Variants in CHN2 observed in about 807,000 individuals in gnomAD.
CHN2 encodes the protein chimerin 2, also known as beta-chimaerin.
A neutral mutation model predicts 56.3 loss-of-function variants in CHN2; 35 were observed. The observed-to-expected ratio is 0.62, with a 90% confidence interval of 0.47 to 0.82. The LOEUF is 0.82. Ranked by LOEUF, CHN2 falls within the 40% of genes least tolerant of loss-of-function variation. The probability of loss-of-function intolerance (pLI) is 0.00; values close to 1 mark genes in which losing one functional copy is unlikely to be tolerated. For missense variants in CHN2, 491 were observed against 580.5 expected (o/e 0.85, Z 1.58); for synonymous variants, 210 against 212.8 (o/e 0.99, Z 0.12).
intron 2 of CHN2, among the ~76,000 whole-genome samples, chr7:29,163,910 A>G (rs1177431610): frequency 6.6e-6 from 1 of 152,168 alleles, no homozygotes; most frequent in Non-Finnish European, 1.5e-5. Context: ...ATATTTGTCC[A>G]TTTACTTGTT....
At chr7:29,361,757 A>G (rs920887642) in intron 2 of CHN2, among the ~76,000 whole-genome samples, 3 of 152,194 alleles carry the variant, frequency 2.0e-5, no homozygotes, top group African/African-American at 7.2e-5. Flanking sequence ...CATCACCTGC[A>G]TCCTTTATTT....
At chr7:29,163,721 T>C (rs191212375) in intron 2 of CHN2, among the ~76,000 whole-genome samples, 137 of 152,314 alleles carry the variant, frequency 9.0e-4, no homozygotes, top group Admixed American at 2.6e-3. Context: ...CACCAGGCAA[T>C]TGCTGATCAG....
intron 6 of CHN2, among the ~76,000 whole-genome samples, chr7:29,422,485 G>A (rs1264104580): frequency 2.0e-5 from 3 of 152,260 alleles, no homozygotes; most frequent in Non-Finnish European, 4.4e-5. Context: ...TCTAATAGAC[G>A]GCCTCTCTCC....
intron 1 of CHN2, among the ~76,000 whole-genome samples, chr7:29,352,746 A>G (rs1376211427): frequency 1.3e-5 from 2 of 152,086 alleles, no homozygotes; most frequent in African/African-American, 2.4e-5. Flanking sequence ...ACAAAAAACA[A>G]AAAAAGCAAA....
intron 1 of CHN2, among the ~76,000 whole-genome samples, chr7:29,213,701 T>C (rs13235885): frequency 0.13 from 20,072 of 152,204 alleles, 1,666 homozygotes; most frequent in Non-Finnish European, 0.19. Context: ...TCTGTTTTAC[T>C]ATATCCCCTA....
At chr7:29,506,355 AG>A (rs1156584080) in intron 10 of CHN2, among the ~76,000 whole-genome samples, 1 of 152,186 alleles carries the variant, frequency 6.6e-6, no homozygotes, top group Non-Finnish European at 1.5e-5. Context: ...CTGTCAAAAT[AG>A]GCCAGGCGTG....
At chr7:29,508,826 T>C (rs1484893977) in intron 11 of CHN2, among the ~76,000 whole-genome samples, 10 of 152,202 alleles carry the variant, frequency 6.6e-5, no homozygotes, top group Non-Finnish European at 1.5e-4. Flanking sequence ...CTGAGTTGGG[T>C]GGCTCATTGC....
At chr7:29,439,926 T>G (rs1783506179) in intron 6 of CHN2, among the ~76,000 whole-genome samples, 1 of 152,150 alleles carries the variant, frequency 6.6e-6, no homozygotes, top group South Asian at 2.1e-4. Flanking sequence ...GCAAACCGAG[T>G]CTTGTGAAGG....
At chr7:29,339,848 C>T (rs919655956) in intron 1 of CHN2, among the ~76,000 whole-genome samples, 4 of 149,782 alleles carry the variant, frequency 2.7e-5, no homozygotes, top group Non-Finnish European at 3.0e-5. Context: ...AATGAAACTC[C>T]GTCTCAAAAA....
At chr7:29,293,656 A>G (rs1792861648) in intron 1 of CHN2, among the ~76,000 whole-genome samples, 1 of 151,968 alleles carries the variant, frequency 6.6e-6, no homozygotes, top group Non-Finnish European at 1.5e-5. Flanking sequence ...TCCTGCTTCG[A>G]ATGTGCTCTT....
rs75293637 is a variant in CHN2, at chr7:29,372,622, G to A, written c.144+4635G>A. On this transcript the variant is annotated intron_variant, in intron 3 of 12. Coordinates refer to ENST00000222792, the MANE Select transcript of CHN2 (RefSeq NM_004067.4). ...TTCAAAATGATGAAAAAAAAGGATA[G>A]CGATTGCTAGCATAAGGAATTTGGG... Among the ~76,000 whole-genome samples, 1,366 of 152,266 alleles carry A rather than the reference G, an allele frequency of 9.0e-3. 17 individuals carry two copies. The highest frequency in any genetic ancestry group is 0.031 in the African/African-American group (1,274 of 41,538).
At chr7:29,457,332 T>C (rs953784774) in intron 6 of CHN2, among the ~76,000 whole-genome samples, 4 of 152,164 alleles carry the variant, frequency 2.6e-5, no homozygotes, top group Non-Finnish European at 5.9e-5. Context: ...CGCTGAGTGA[T>C]AATAGGGTCG....
At chr7:29,263,428 G>A (rs1199560337) in intron 1 of CHN2, among the ~76,000 whole-genome samples, 2 of 152,196 alleles carry the variant, frequency 1.3e-5, no homozygotes, top group African/African-American at 4.8e-5. Flanking sequence ...TGCTGAGATT[G>A]CAGCCTCTGC....
intron 1 of CHN2, among the ~76,000 whole-genome samples, chr7:29,207,445 C>T (rs572867105): frequency 3.9e-5 from 6 of 152,162 alleles, no homozygotes; most frequent in Non-Finnish European, 7.3e-5. Flanking sequence ...CTCCCTTCCC[C>T]AGTATCCCCA....
intron 1 of CHN2, among the ~76,000 whole-genome samples, chr7:29,317,912 C>G: frequency 6.6e-6 from 1 of 152,028 alleles, no homozygotes; most frequent in East Asian, 1.9e-4. Context: ...TGAGCCCAGG[C>G]GGCAGAGGTT....
At chr7:29,447,649 C>T (rs1393674408) in intron 6 of CHN2, among the ~76,000 whole-genome samples, 1 of 152,054 alleles carries the variant, frequency 6.6e-6, no homozygotes, top group Admixed American at 6.6e-5. Flanking sequence ...ACCTCAAAAC[C>T]AGTGGTAGGA....
chr7:29,435,364 T>G (rs1377650500), intron 6 of CHN2, among the ~76,000 whole-genome samples: 1 of 152,146 alleles, frequency 6.6e-6, no homozygotes, highest in Non-Finnish European at 1.5e-5. Context: ...TCAGATACTG[T>G]GGGGGTCACA....
intron 2 of CHN2, among the ~76,000 whole-genome samples, chr7:29,156,573 A>G (rs1562798658): frequency 6.6e-6 from 1 of 152,206 alleles, no homozygotes; most frequent in Non-Finnish European, 1.5e-5. Context: ...GAACTCAGCT[A>G]AGGCATCCCC....
intron 2 of CHN2, among the ~76,000 whole-genome samples, chr7:29,367,023 T>C (rs763743426): frequency 2.0e-5 from 3 of 152,198 alleles, no homozygotes; most frequent in Non-Finnish European, 2.9e-5. Context: ...TGTAGATTTA[T>C]TCCATTTAAA....
Sources: allele counts gnomAD v4.1 joint callset (sites outside exome capture counted in the v4.1 genomes callset), GRCh38; gene constraint gnomAD v4.1.1; transcripts MANE v1.5; gene names NCBI Gene and HGNC (gene_info 2026-07-23, HGNC 2026-07-21).